Variants in KCNIP4 observed in about 807,000 individuals in gnomAD.
KCNIP4 encodes potassium voltage-gated channel interacting protein 4.
A neutral mutation model predicts 34.0 loss-of-function variants in KCNIP4; 12 were observed. That is an observed-to-expected ratio of 0.35 (90% CI 0.23 to 0.57). KCNIP4 has a LOEUF of 0.57. KCNIP4 is among the 20% of genes least tolerant of loss of function. The probability of loss-of-function intolerance (pLI) is 0.83; values close to 1 mark genes in which losing one functional copy is unlikely to be tolerated. For missense variants in KCNIP4, 238 were observed against 311.7 expected (o/e 0.76, Z 1.78); for synonymous variants, 124 against 102.2 (o/e 1.21, Z -1.29).
At chr4:20,863,058 C>T (rs1327195746) in intron 2 of KCNIP4, among the ~76,000 whole-genome samples, 6 of 152,178 alleles carry the variant, frequency 3.9e-5, no homozygotes, top group Admixed American at 3.9e-4. Flanking sequence ...TCACCTTACC[C>T]ACTGCCTAGA....
At chr4:21,598,493 A>G (rs1460884032) in intron 1 of KCNIP4, among the ~76,000 whole-genome samples, 1 of 152,064 alleles carries the variant, frequency 6.6e-6, no homozygotes. Flanking sequence ...GTGTGCCAAT[A>G]AAACTTTATT....
chr4:21,603,119 G>A (rs1743334097), intron 1 of KCNIP4, among the ~76,000 whole-genome samples: 1 of 152,104 alleles, frequency 6.6e-6, no homozygotes, highest in African/African-American at 2.4e-5. Context: ...TTGCCAAAGA[G>A]CTTTAAAACA....
chr4:21,757,775 C>T (rs1343446221), intron 1 of KCNIP4, among the ~76,000 whole-genome samples: 1 of 152,162 alleles, frequency 6.6e-6, no homozygotes. Context: ...ATCTTGTCTA[C>T]AAAGTTAGCG....
chr4:21,087,960 AT>A (rs1424782923), intron 1 of KCNIP4, among the ~76,000 whole-genome samples: 1 of 151,982 alleles, frequency 6.6e-6, no homozygotes, highest in African/African-American at 2.4e-5. Flanking sequence ...GTCGCTACTT[AT>A]TTTTTTCCAA....
chr4:21,677,323 C>T (rs1471303360), intron 1 of KCNIP4, among the ~76,000 whole-genome samples: 1 of 152,144 alleles, frequency 6.6e-6, no homozygotes, highest in African/African-American at 2.4e-5. Flanking sequence ...TACTAGTATT[C>T]TAGCACTTCA....
intron 1 of KCNIP4, among the ~76,000 whole-genome samples, chr4:21,276,848 C>T (rs1325757636): frequency 6.6e-6 from 1 of 152,114 alleles, no homozygotes; most frequent in Non-Finnish European, 1.5e-5. Context: ...TGTCCGTTTA[C>T]TCATCAATTC....
intron 1 of KCNIP4, among the ~76,000 whole-genome samples, chr4:21,887,798 T>C (rs914400186): frequency 6.6e-6 from 1 of 152,162 alleles, no homozygotes; most frequent in African/African-American, 2.4e-5. Context: ...TTATATATTC[T>C]AACTCATAAA....
At position 21,599,777 on chromosome 4, in the gene KCNIP4, C is replaced by G. The variant is rs187258320; in HGVS notation, c.61+348794G>C. Among the ~76,000 whole-genome samples the G allele has an allele frequency of 9.5e-3, 1,450 of 152,132 alleles. 12 individuals are homozygous for G. Among genetic ancestry groups the G allele is most frequent in the Non-Finnish European group, 0.015 (1,018 of 67,974 alleles). On this transcript the variant is annotated intron_variant, in intron 1 of 8. Transcript: ENST00000382152. ...TTCTGTGTTAACTTTCCTGGTTTAC[C>G]TACCAAAGGTGAAATGCTCTGGATG...
chr4:21,519,393 T>TACATATGTGTGTATATGTATGTGTATAC (rs1735089833), intron 1 of KCNIP4, among the ~76,000 whole-genome samples: 1 of 85,634 alleles, frequency 1.2e-5, no homozygotes, highest in African/African-American at 4.3e-5. Flanking sequence ...TGTGTATATA[T>TACATATGTGTGTATATGTATGTGTATAC]ACATATGTGT....
At chr4:21,793,835 G>C (rs541962971) in intron 1 of KCNIP4, among the ~76,000 whole-genome samples, 1 of 152,058 alleles carries the variant, frequency 6.6e-6, no homozygotes, top group Non-Finnish European at 1.5e-5. Context: ...ACATGCACAC[G>C]TATGTTTATT....
intron 1 of KCNIP4, among the ~76,000 whole-genome samples, chr4:21,630,316 T>C (rs1278645048): frequency 6.6e-6 from 1 of 151,880 alleles, no homozygotes; most frequent in Non-Finnish European, 1.5e-5. Flanking sequence ...AATACAAAAA[T>C]TAGCTGGGCC....
At chr4:21,220,805 A>G (rs571923389) in intron 1 of KCNIP4, among the ~76,000 whole-genome samples, 1 of 152,202 alleles carries the variant, frequency 6.6e-6, no homozygotes, top group South Asian at 2.1e-4. Flanking sequence ...ATGTCTTTAA[A>G]CTTTTCAGCT....
intron 3 of KCNIP4, among the ~76,000 whole-genome samples, chr4:20,764,350 C>T (rs555408783): frequency 6.6e-6 from 1 of 152,112 alleles, no homozygotes; most frequent in South Asian, 2.1e-4. Context: ...ACATTTTTTA[C>T]ATCATGATTT....
chr4:21,854,390 C>T (rs950702786), intron 1 of KCNIP4, among the ~76,000 whole-genome samples: 3 of 152,154 alleles, frequency 2.0e-5, no homozygotes, highest in African/African-American at 7.2e-5. Context: ...GCTTCTCATC[C>T]CACATATTAA....
intron 1 of KCNIP4, among the ~76,000 whole-genome samples, chr4:21,202,865 G>A (rs908784580): frequency 1.9e-4 from 29 of 152,110 alleles, no homozygotes; most frequent in Admixed American, 1.1e-3. Context: ...CTAGGCCCAC[G>A]CCTCACATTT....
At chr4:21,023,141 G>C (rs546454086) in intron 1 of KCNIP4, among the ~76,000 whole-genome samples, 3 of 152,186 alleles carry the variant, frequency 2.0e-5, no homozygotes, top group Admixed American at 6.5e-5. Flanking sequence ...ATAAGAAAAT[G>C]AATGCCTCAG....
intron 1 of KCNIP4, among the ~76,000 whole-genome samples, chr4:21,897,536 A>G (rs920023076): frequency 6.6e-6 from 1 of 152,216 alleles, no homozygotes; most frequent in Non-Finnish European, 1.5e-5. Context: ...GTGCTAGGCA[A>G]CATGCCACAA....
At chr4:21,710,560 G>C (rs1713645497) in intron 1 of KCNIP4, among the ~76,000 whole-genome samples, 1 of 152,130 alleles carries the variant, frequency 6.6e-6, no homozygotes, top group Non-Finnish European at 1.5e-5. Context: ...TTAAATGCAT[G>C]CTGCAAATTC....
At chr4:20,943,817 G>A (rs574784441) in intron 1 of KCNIP4, among the ~76,000 whole-genome samples, 56 of 152,260 alleles carry the variant, frequency 3.7e-4, no homozygotes, top group African/African-American at 1.2e-3. Flanking sequence ...AGCTCAACAA[G>A]GCACTGTTTC....
Sources: gnomAD v4.1 joint callset for allele counts (sites outside exome capture counted in the v4.1 genomes callset) on GRCh38, gnomAD v4.1.1 for gene constraint, MANE v1.5 for transcripts, NCBI Gene and HGNC (gene_info 2026-07-23, HGNC 2026-07-21) for gene names.